Variants in NPSR1 observed in about 807,000 individuals in gnomAD.
NPSR1 encodes neuropeptide S receptor 1.
NPSR1 carries 48 observed loss-of-function variants against 46.9 expected under a neutral mutation model. The observed-to-expected ratio is 1.02, with a 90% CI of 0.81 to 1.30. The LOEUF (loss-of-function observed/expected upper bound fraction) is 1.30, where lower values mean the gene tolerates loss of function less well. NPSR1 is among the 50% of genes most tolerant of loss of function. The pLI, the probability that NPSR1 is intolerant of heterozygous loss-of-function variation, is 0.00. For synonymous variants in NPSR1, 176 were observed against 168.1 expected, an observed-to-expected ratio of 1.05 and a Z score of -0.36; for missense variants, 450 against 449.5, an observed-to-expected ratio of 1.00 and a Z score of -0.01.
At chr7:34,832,018 C>T (rs1036499573) in intron 5 of NPSR1, among the ~76,000 whole-genome samples, 1 of 152,178 alleles carries the variant, frequency 6.6e-6, no homozygotes, top group Non-Finnish European at 1.5e-5. Context: ...AAAAGCGCCC[C>T]AGGGACCTGG....
At chr7:34,709,398 C>G (rs1019245212) in intron 2 of NPSR1, among the ~76,000 whole-genome samples, 1 of 152,152 alleles carries the variant, frequency 6.6e-6, no homozygotes, top group Middle Eastern at 3.2e-3. Context: ...ATTCAGGTTT[C>G]TTTGGCTTAC....
chr7:34,835,986 G>T (rs764237934), intron 6 of NPSR1, among the ~76,000 whole-genome samples: 1 of 152,164 alleles, frequency 6.6e-6, no homozygotes, highest in Non-Finnish European at 1.5e-5. Flanking sequence ...TGACAATCTG[G>T]TCCAGTGAGA....
At chr7:34,789,652 G>A (rs1787628628) in intron 3 of NPSR1, among the ~76,000 whole-genome samples, 1 of 149,792 alleles carries the variant, frequency 6.7e-6, no homozygotes, top group South Asian at 2.1e-4. Flanking sequence ...AATTAGCCAG[G>A]TGTGGTGGCG....
At chr7:34,776,662 G>A (rs569002619) in intron 2 of NPSR1, among the ~76,000 whole-genome samples, 3 of 151,992 alleles carry the variant, frequency 2.0e-5, no homozygotes, top group Admixed American at 6.6e-5. Context: ...TTTTCAATCC[G>A]TTCAGCCACT....
Position 34,858,983 on chromosome 7 carries a change from G to C in NPSR1, c.1025+10320G>C, listed in dbSNP as rs376335456. ...TGGGGAGAGGGAGGAGATGTACAGA[G>C]AGAGGCTGGCAGAGTCTCTTTTTTG... On this transcript the variant is annotated intron_variant, in intron 8 of 8. Transcript: ENST00000359791. 4.0e-5 allele frequency among the ~76,000 whole-genome samples: 6 copies of C among 151,800 alleles called. No individual in the cohort carries two copies. In the South Asian group the frequency reaches 1.2e-3, roughly 32 times the overall value.
chr7:34,837,862 G>A (rs780785690), intron 6 of NPSR1, among the ~76,000 whole-genome samples: 38 of 152,180 alleles, frequency 2.5e-4, no homozygotes, highest in African/African-American at 8.7e-4. Context: ...ATCTCTTGAA[G>A]GTTTTGTTTT....
intron 3 of NPSR1, among the ~76,000 whole-genome samples, chr7:34,810,004 C>T (rs1436257301): frequency 6.6e-6 from 1 of 152,150 alleles, no homozygotes; most frequent in African/African-American, 2.4e-5. Flanking sequence ...CTAATCATTC[C>T]TCAGAACCTC....
intron 6 of NPSR1, among the ~76,000 whole-genome samples, 158 bp from the exon 7 acceptor site, chr7:34,844,738 C>A (rs1790686575): frequency 1.3e-5 from 2 of 152,182 alleles, no homozygotes; most frequent in African/African-American, 2.4e-5. Context: ...AGCCCAGAAC[C>A]AACTTTAATC....
At chr7:34,875,770 T>C (rs1365009450) in intron 8 of NPSR1, among the ~76,000 whole-genome samples, 2 of 152,138 alleles carry the variant, frequency 1.3e-5, no homozygotes, top group Non-Finnish European at 2.9e-5. Context: ...TACCCAATTC[T>C]ATTTGGGAAA....
At chr7:34,834,315 G>T (rs2033400789) in intron 5 of NPSR1, 69 bp from the exon 6 acceptor site, 1 of 1,139,018 alleles carries the variant, frequency 8.8e-7, no homozygotes, top group Non-Finnish European at 1.3e-6. Flanking sequence ...AGGTGGGAGT[G>T]GTCTTCTCTG....
At chr7:34,802,095 G>T (rs1389077029) in intron 3 of NPSR1, among the ~76,000 whole-genome samples, 1 of 149,696 alleles carries the variant, frequency 6.7e-6, no homozygotes, top group Non-Finnish European at 1.5e-5. Flanking sequence ...AACATTCCAT[G>T]CTCATGGGTA....
intron 2 of NPSR1, among the ~76,000 whole-genome samples, chr7:34,739,759 A>G (rs762542634): frequency 1.3e-5 from 2 of 152,156 alleles, no homozygotes; most frequent in Admixed American, 6.5e-5. Flanking sequence ...GATGTGAACC[A>G]TCTGTGGGTC....
intron 2 of NPSR1, among the ~76,000 whole-genome samples, chr7:34,771,496 A>G (rs1015269000): frequency 2.6e-5 from 4 of 152,132 alleles, no homozygotes; most frequent in Non-Finnish European, 5.9e-5. Context: ...TTTCTAAAGG[A>G]GCAAAAGCAA....
intron 2 of NPSR1, among the ~76,000 whole-genome samples, chr7:34,687,503 C>T (rs1792997141): frequency 6.6e-6 from 1 of 152,164 alleles, no homozygotes; most frequent in Admixed American, 6.5e-5. Flanking sequence ...ACCTTCTTCA[C>T]AAGGCAGCAA....
intron 3 of NPSR1, among the ~76,000 whole-genome samples, chr7:34,789,621 C>T (rs533143870): frequency 6.5e-4 from 98 of 151,228 alleles, no homozygotes; most frequent in Middle Eastern, 3.4e-3. Flanking sequence ...GCAGAAACCC[C>T]GTCTCTACTA....
chr7:34,731,006 T>A (rs968105734), intron 2 of NPSR1, among the ~76,000 whole-genome samples: 1 of 152,102 alleles, frequency 6.6e-6, no homozygotes, highest in African/African-American at 2.4e-5. Context: ...GGAAAAGAAT[T>A]TCAATAACTC....
intron 8 of NPSR1, among the ~76,000 whole-genome samples, chr7:34,866,756 G>A (rs1791324734): frequency 6.6e-6 from 1 of 151,662 alleles, no homozygotes. Context: ...GGGAAAAGGA[G>A]AGTAAGCTAG....
intron 2 of NPSR1, among the ~76,000 whole-genome samples, chr7:34,699,629 G>A (rs575989550): frequency 6.6e-6 from 1 of 152,214 alleles, no homozygotes; most frequent in African/African-American, 2.4e-5. Context: ...TGTGGCCTTT[G>A]TGCAATGCCT....
chr7:34,811,953 A>G, intron 4 of NPSR1, 90 bp downstream of exon 4: 1 of 787,554 alleles, frequency 1.3e-6, no homozygotes, highest in Non-Finnish European at 2.2e-6. Flanking sequence ...TCTTAATAAT[A>G]GTGATCTTCC....
Sources: gnomAD v4.1 joint callset for allele counts (sites outside exome capture counted in the v4.1 genomes callset) on GRCh38, gnomAD v4.1.1 for gene constraint, MANE v1.5 for transcripts, NCBI Gene and HGNC (gene_info 2026-07-23, HGNC 2026-07-21) for gene names.